Variants in ADCK5 observed in about 807,000 individuals in gnomAD.
ADCK5 encodes aarF domain containing kinase 5.
A neutral mutation model predicts 64.9 loss-of-function variants in ADCK5; 43 were observed. The ratio of observed to expected loss-of-function variants is 0.66; its 90% confidence interval spans 0.52 to 0.85. The LOEUF (loss-of-function observed/expected upper bound fraction) is 0.85, where lower values mean the gene tolerates loss of function less well. ADCK5 is among the 40% of genes least tolerant of loss of function. The probability of loss-of-function intolerance (pLI) is 0.00; values close to 1 mark genes in which losing one functional copy is unlikely to be tolerated. For missense variants in ADCK5, 760 were observed against 810.5 expected, an observed-to-expected ratio of 0.94 and a Z score of 0.76; for synonymous variants, 434 against 342.8, an observed-to-expected ratio of 1.27 and a Z score of -2.94.
In ADCK5 at chr8:144,384,588, C is replaced by T. The variant is rs1819829163; in HGVS notation, c.266+1358C>T. On this transcript the variant is annotated intron_variant, in intron 3 of 14. Coordinates refer to ENST00000308860, the MANE Select transcript of ADCK5 (RefSeq NM_174922.5). The surrounding 1 kb of genome is among the most constrained non-coding windows in gnomAD (Gnocchi z 5.7). ...GGTGGGTGACGACAGAGCCTCGGGT[C>T]CTCTGCCTTTTTCTCGTGACCCTCC... Among the ~76,000 whole-genome samples the T allele has an allele frequency of 6.6e-6, 1 of 152,186 alleles. No homozygotes were observed. The highest frequency in any genetic ancestry group is 2.4e-5 in the African/African-American group (1 of 41,438).
chr8:144,386,773 C>T (rs976991283), intron 3 of ADCK5, among the ~76,000 whole-genome samples: 4 of 152,344 alleles, frequency 2.6e-5, no homozygotes, highest in East Asian at 3.9e-4. Context: ...CTCCCATCCC[C>T]GTGGGCCCCA....
chr8:144,379,532 GC>G, intron 2 of ADCK5, 42 bp downstream of exon 2: 1 of 1,484,734 alleles, frequency 6.7e-7, no homozygotes, highest in East Asian at 2.4e-5. Context: ...ACCCAGGCAG[GC>G]ATGGATGGCG....
chr8:144,390,901 G>A lies in ADCK5; in HGVS notation c.388G>A (p.Ala130Thr). 2 of 1,612,850 alleles carry A rather than the reference G, an allele frequency of 1.2e-6. No homozygotes were observed. Among genetic ancestry groups the A allele is most frequent in the Middle Eastern group, 1.6e-4 (1 of 6,062 alleles). ...LEVMSACHQRAADALVAGAIS... is the reference protein window; with the variant it reads ...LEVMSACHQRTADALVAGAIS... ...GGTGATGTCTGCGTGTCACCAGCGG[G>A]CGGCTGATGCCCTGGTGGCAGGGGC... Residue 130 changes from alanine to threonine, a missense_variant, in exon 5 of 15, where the codon GCG (alanine) becomes ACG (threonine). Physicochemically the swap from Ala to Thr is moderately conservative, Grantham distance 58. Coordinates refer to ENST00000308860, the MANE Select transcript of ADCK5 (RefSeq NM_174922.5).
Position 144,392,340 on chromosome 8 carries a change from T to TGCAAGGTGAGGGGGC in ADCK5, c.1267+7_1267+8insGGCGCAAGGTGAGGG. The TGCAAGGTGAGGGGGC allele has an allele frequency of 6.7e-7, 1 of 1,492,950 alleles. No homozygotes were observed. Among genetic ancestry groups the TGCAAGGTGAGGGGGC allele is most frequent in the Non-Finnish European group, 8.9e-7 (1 of 1,124,216 alleles). 92.5% of individuals were successfully genotyped at this position (1,492,950 alleles called of 1,614,324 possible). A position where few individuals can be genotyped will look rare whatever the true frequency, so the allele number is the denominator to read the frequency against. ...AGGGCGCACGCAGCCGCACTGGGGG[T>TGCAAGGTGAGGGGGC]GCAAGGTGAGGGCGTGCGGGGATGG... On this transcript the variant is annotated inframe_insertion, in exon 12 of 15. Transcript: ENST00000308860.
At chr8:144,379,820 T>A (rs1819522908) in intron 2 of ADCK5, among the ~76,000 whole-genome samples, 1 of 150,804 alleles carries the variant, frequency 6.6e-6, no homozygotes, top group African/African-American at 2.4e-5. Flanking sequence ...TAGGTGGGAG[T>A]CACACAAGAG....
In ADCK5 at chr8:144,392,035, C is replaced by T. The variant is rs1820265174; in HGVS notation, c.1096+13C>T. 1 of 1,612,516 alleles carries T rather than the reference C, an allele frequency of 6.2e-7. No individual in the cohort carries two copies. The highest frequency in any genetic ancestry group is 8.5e-7 in the Non-Finnish European group (1 of 1,179,944). ...CATCCTGGCAACGGTAGGAATTTACCCCAGGGGTGGGGGTCTCAGGGTGGG... is the reference window on the plus strand; with the variant it reads ...CATCCTGGCAACGGTAGGAATTTACTCCAGGGGTGGGGGTCTCAGGGTGGG... On this transcript the variant is annotated intron_variant, in intron 10 of 14. Transcript: ENST00000308860.
Position 144,391,629 on chromosome 8 carries a change from G to A in ADCK5, c.848G>A (p.Arg283His), listed in dbSNP as rs201101725. 2.6e-6 allele frequency: 4 copies of A among 1,559,972 alleles called. No individual in the cohort carries two copies. The highest frequency in any genetic ancestry group is 2.6e-6 in the Non-Finnish European group (3 of 1,157,350). ...AQELDFENEG[R>H]NAERCARELA... Reference sequence around the variant, plus strand: ...GAGCTGGACTTCGAGAATGAGGGCCGCAACGCAGAGCGCTGTGCGCGGGAG... The same window carrying A: ...GAGCTGGACTTCGAGAATGAGGGCCACAACGCAGAGCGCTGTGCGCGGGAG... The change falls in exon 8 of 15, where the codon CGC becomes CAC. Residue 283 changes from arginine (R) to histidine (H), a missense_variant. Physicochemically the swap from Arg to His is conservative, Grantham distance 29 (BLOSUM62 0). This residue lies in a region of ADCK5 where 427 missense variants were observed against 518.4 expected (regional missense o/e 0.82). Coordinates refer to ENST00000308860, the MANE Select transcript of ADCK5 (RefSeq NM_174922.5).
rs1820170208 is a variant in ADCK5, at chr8:144,390,600, T to TCTGA, written c.267-69_267-66dup. The TCTGA allele has an allele frequency of 6.8e-6, 10 of 1,480,166 alleles. No individual in the cohort carries two copies. In the East Asian group the frequency reaches 2.4e-4, roughly 35 times the overall value. 91.7% of individuals were successfully genotyped at this position (1,480,166 alleles called of 1,614,324 possible). ...CGGGGTGAGGCTAGACCATGAGGGC[T>TCTGA]CTGACAAGAGGACCAAGCACCGGGG... is the stretch of plus-strand genomic sequence containing the variant. On this transcript the variant is annotated intron_variant, in intron 3 of 14. Transcript: ENST00000308860.
In ADCK5 at chr8:144,379,376, T is replaced by C; in HGVS notation, c.13-11T>C. ...CCTCGTTCGACCCCACACAATTTCC[T>C]CTCTTTGCAGGTGCAGCTCTGTCAT... On this transcript the variant is annotated splice_polypyrimidine_tract_variant and intron_variant, in intron 1 of 14. Transcript: ENST00000308860. 6.3e-7 allele frequency: 1 copy of C among 1,593,920 alleles called. No individual in the cohort carries two copies. The highest frequency in any genetic ancestry group is 8.6e-7 in the Non-Finnish European group (1 of 1,167,342).
At position 144,393,184 on chromosome 8, in the gene ADCK5, G is replaced by C. The variant is rs1478236367; in HGVS notation, c.*110G>C. On this transcript the variant is annotated 3_prime_UTR_variant, in exon 15 of 15. Coordinates refer to ENST00000308860, the MANE Select transcript of ADCK5 (RefSeq NM_174922.5). ...CCGTGGGCACTCGCACTGGGGGGCTGTGACAGCAGCTGGGCCAGGAGGCCG... is the reference window on the plus strand; with the variant it reads ...CCGTGGGCACTCGCACTGGGGGGCTCTGACAGCAGCTGGGCCAGGAGGCCG... 1.3e-5 allele frequency: 17 copies of C among 1,348,156 alleles called. No homozygotes were observed. The highest frequency in any genetic ancestry group is 1.6e-5 in the Non-Finnish European group (16 of 1,008,422). 83.5% of individuals were successfully genotyped at this position (1,348,156 alleles called of 1,614,324 possible).
At position 144,379,382 on chromosome 8, in the gene ADCK5, T is replaced by G; in HGVS notation, c.13-5T>G. ...TCGACCCCACACAATTTCCTCTCTT[T>G]GCAGGTGCAGCTCTGTCATTTCCAC... On this transcript the variant is annotated splice_region_variant and splice_polypyrimidine_tract_variant and intron_variant, in intron 1 of 14. Coordinates refer to ENST00000308860, the MANE Select transcript of ADCK5 (RefSeq NM_174922.5). 1 of 1,599,546 alleles carries G rather than the reference T, an allele frequency of 6.3e-7. No individual in the cohort carries two copies. The highest frequency in any genetic ancestry group is 1.1e-5 in the South Asian group (1 of 89,410).
At chr8:144,373,923 GC>G, upstream of ADCK5, 1 of 729,658 alleles carries the variant, frequency 1.4e-6, no homozygotes, top group Non-Finnish European at 1.9e-6. Flanking sequence ...AGGGGACGCT[GC>G]CCCGCCGCGG....
At chr8:144,373,905 G>A (rs1819253994), upstream of ADCK5, 1 of 577,034 alleles carries the variant, frequency 1.7e-6, no homozygotes, top group African/African-American at 1.9e-5. Context: ...AAGCCTCTGG[G>A]GGCCGCCAGG....
rs1820352011 is a variant in ADCK5 at position 144,392,653 on chromosome 8, G to C, written c.1476G>C (p.Val492=). The change falls in exon 13 of 15, where the codon GTG becomes GTC. Residue 492 remains valine (V), a synonymous_variant. Coordinates refer to ENST00000308860, the MANE Select transcript of ADCK5 (RefSeq NM_174922.5). The part of the protein sequence containing the change: ...RNINTVRAIN[V]ALGAPVDRYF... ...TCAACACCGTGCGCGCTATCAACGTGGCCCTCGGCGCCCCCGTGGACCGCT... is the reference window on the plus strand; with the variant it reads ...TCAACACCGTGCGCGCTATCAACGTCGCCCTCGGCGCCCCCGTGGACCGCT... 1 of 1,594,210 alleles carries C rather than the reference G, an allele frequency of 6.3e-7. No homozygotes were observed. The highest frequency in any genetic ancestry group is 8.5e-7 in the Non-Finnish European group (1 of 1,172,246).
At position 144,390,621 on chromosome 8, in the gene ADCK5, C is replaced by T. The variant is rs375370922; in HGVS notation, c.267-50C>T. 461 of 1,581,330 alleles carry T rather than the reference C, an allele frequency of 2.9e-4. 5 individuals are homozygous for T. The highest frequency in any genetic ancestry group is 2.8e-3 in the South Asian group (248 of 88,516). Reference sequence around the variant, plus strand: ...GGGCTCTGACAAGAGGACCAAGCACCGGGGCCCCGAGCCTGCCCCGCTGGA... The same window carrying T: ...GGGCTCTGACAAGAGGACCAAGCACTGGGGCCCCGAGCCTGCCCCGCTGGA... On this transcript the variant is annotated intron_variant, in intron 3 of 14. Transcript: ENST00000308860.
intron 4 of ADCK5, 23 bp downstream of exon 4, chr8:144,390,769 C>T: frequency 6.2e-7 from 1 of 1,612,154 alleles, no homozygotes; most frequent in Admixed American, 1.7e-5. Flanking sequence ...GCCCTGGGCA[C>T]ACAGTGGTGG....
At chr8:144,380,281 T>G in intron 2 of ADCK5, among the ~76,000 whole-genome samples, 1 of 149,410 alleles carries the variant, frequency 6.7e-6, no homozygotes, top group Non-Finnish European at 1.5e-5. Context: ...GCAGTCAGAA[T>G]TATGGGCCGG....
chr8:144,378,737 G>T (rs544892663), intron 1 of ADCK5, among the ~76,000 whole-genome samples: 2 of 151,950 alleles, frequency 1.3e-5, no homozygotes, highest in Admixed American at 1.3e-4. Flanking sequence ...AAATTAGCTG[G>T]ATGTGGTGGC....
chr8:144,381,002 A>G (rs7017474), intron 2 of ADCK5, among the ~76,000 whole-genome samples: 10 of 147,026 alleles, frequency 6.8e-5, no homozygotes, highest in South Asian at 4.4e-4. Flanking sequence ...GGGTGTAGAA[A>G]CAGATGTGTG....
Sources: allele counts gnomAD v4.1 joint callset (sites outside exome capture counted in the v4.1 genomes callset), GRCh38; gene constraint gnomAD v4.1.1; regional missense constraint gnomAD v4.1.1; non-coding constraint Gnocchi (gnomAD v3.1); transcripts MANE v1.5; gene names NCBI Gene and HGNC (gene_info 2026-07-23, HGNC 2026-07-21).